BICC1: variants seen among roughly 807,000 people sequenced by gnomAD.
The protein encoded by BICC1 is protein bicaudal C homolog 1.
A neutral mutation model predicts 111.0 loss-of-function variants in BICC1; 43 were observed. The ratio of observed to expected loss-of-function variants is 0.39; its 90% CI spans 0.30 to 0.50. The LOEUF is 0.50. BICC1 is among the 20% of genes least tolerant of loss of function. The probability of loss-of-function intolerance (pLI) is 0.88; values close to 1 mark genes in which losing one functional copy is unlikely to be tolerated. For missense variants in BICC1, 1,091 were observed against 1,203.2 expected (o/e 0.91, Z 1.38); for synonymous variants, 467 against 434.4 (o/e 1.07, Z -0.93).
intron 3 of BICC1, among the ~76,000 whole-genome samples, chr10:58,749,529 T>C (rs1226424914): frequency 6.6e-6 from 1 of 152,166 alleles, no homozygotes; most frequent in Non-Finnish European, 1.5e-5. Context: ...CTGTTACATA[T>C]AATGTATCCA....
chr10:58,801,157 G>A, intron 14 of BICC1, 111 bp downstream of exon 14: 4 of 950,982 alleles, frequency 4.2e-6, no homozygotes, highest in Non-Finnish European at 5.7e-6. Context: ...CTCATCCATG[G>A]GTGTTTTCAT....
intron 1 of BICC1, among the ~76,000 whole-genome samples, chr10:58,515,012 A>G (rs1285493233): frequency 1.5e-4 from 23 of 152,196 alleles, no homozygotes; most frequent in Admixed American, 1.5e-3. Flanking sequence ...ACAAGTAAGG[A>G]CAGTGATGTT....
chr10:58,612,363 G>A (rs1375308167), intron 1 of BICC1, among the ~76,000 whole-genome samples: 1 of 152,118 alleles, frequency 6.6e-6, no homozygotes, highest in Non-Finnish European at 1.5e-5. Flanking sequence ...CACTTGAATT[G>A]GCTGGGTTGT....
At chr10:58,529,189 C>CT (rs766168381) in intron 1 of BICC1, among the ~76,000 whole-genome samples, 64 of 151,962 alleles carry the variant, frequency 4.2e-4, no homozygotes, top group Non-Finnish European at 7.8e-4. Flanking sequence ...CAAGTAGGAT[C>CT]TTTTTGTCAC....
intron 1 of BICC1, among the ~76,000 whole-genome samples, chr10:58,575,839 T>C (rs1192305248): frequency 1.3e-5 from 2 of 152,184 alleles, no homozygotes; most frequent in Non-Finnish European, 2.9e-5. Flanking sequence ...AGAGGGAAGC[T>C]TTTATCTTTT....
chr10:58,591,276 C>T (rs549117592), intron 1 of BICC1, among the ~76,000 whole-genome samples: 6 of 152,178 alleles, frequency 3.9e-5, no homozygotes, highest in South Asian at 2.1e-4. Context: ...TTGGTCAAGA[C>T]GGAAAAACAG....
chr10:58,556,989 G>T (rs191729754), intron 1 of BICC1, among the ~76,000 whole-genome samples: 2 of 152,016 alleles, frequency 1.3e-5, no homozygotes, highest in Non-Finnish European at 2.9e-5. Context: ...GTTACCTCGC[G>T]TTGTAAAAGG....
chr10:58,548,751 C>G (rs1246928942), intron 1 of BICC1, among the ~76,000 whole-genome samples: 1 of 152,124 alleles, frequency 6.6e-6, no homozygotes, highest in Non-Finnish European at 1.5e-5. Context: ...CTTGGCTCAA[C>G]ATCATATTTA....
chr10:58,689,837 C>T (rs893757171), intron 2 of BICC1, among the ~76,000 whole-genome samples: 9 of 152,178 alleles, frequency 5.9e-5, no homozygotes, highest in African/African-American at 1.7e-4. Flanking sequence ...TTGACTTTGC[C>T]GAAATTGGTC....
chr10:58,693,560 A>G (rs1045587587), intron 2 of BICC1, among the ~76,000 whole-genome samples: 9 of 151,876 alleles, frequency 5.9e-5, no homozygotes, highest in African/African-American at 1.5e-4. Context: ...ATTCTAACTG[A>G]TGTGAGATGG....
chr10:58,665,275 A>G (rs1487519935), intron 2 of BICC1, among the ~76,000 whole-genome samples: 1 of 152,114 alleles, frequency 6.6e-6, no homozygotes, highest in Non-Finnish European at 1.5e-5. Context: ...TTTTAATAGT[A>G]TCTTGTTCCC....
At chr10:58,739,906 A>G (rs1207580695) in intron 3 of BICC1, among the ~76,000 whole-genome samples, 1 of 152,218 alleles carries the variant, frequency 6.6e-6, no homozygotes, top group East Asian at 1.9e-4. Flanking sequence ...GACAGTTGGA[A>G]CAAGTCTTTA....
intron 19 of BICC1, 60 bp from the exon 20 acceptor site, chr10:58,820,309 C>T (rs1051347913): frequency 3.5e-6 from 4 of 1,144,634 alleles, no homozygotes; most frequent in Non-Finnish European, 5.2e-6. Context: ...GTTGATCCTA[C>T]AGTGGGAAAG....
chr10:58,536,322 A>G (rs2131869100), intron 1 of BICC1, among the ~76,000 whole-genome samples: 1 of 151,866 alleles, frequency 6.6e-6, no homozygotes, highest in African/African-American at 2.4e-5. Context: ...GATCATATGT[A>G]AGCTGCAAAA....
intron 1 of BICC1, among the ~76,000 whole-genome samples, chr10:58,541,806 A>G (rs1403472845): frequency 6.6e-6 from 1 of 151,302 alleles, no homozygotes; most frequent in East Asian, 2.0e-4. Flanking sequence ...ACTTAAAAAC[A>G]TATTACAAAT....
At chr10:58,675,175 G>C (rs556526262) in intron 2 of BICC1, among the ~76,000 whole-genome samples, 2 of 152,250 alleles carry the variant, frequency 1.3e-5, no homozygotes, top group South Asian at 2.1e-4. Context: ...GAAGCTGGGA[G>C]AGAGGAGAGA....
In BICC1 at chr10:58,828,746, T is replaced by C; in HGVS notation, c.2795-15T>C. ...TTCTCTTGAGCTCCTAACAATTCTCTCTTTCTCTCTCTAGAACTAAATAAA... is the reference window on the plus strand; with the variant it reads ...TTCTCTTGAGCTCCTAACAATTCTCCCTTTCTCTCTCTAGAACTAAATAAA... On this transcript the variant is annotated splice_polypyrimidine_tract_variant and intron_variant, in intron 20 of 20. Transcript: ENST00000373886. The C allele has an allele frequency of 6.2e-7, 1 of 1,612,162 alleles. No homozygotes were observed. The highest frequency in any genetic ancestry group is 8.5e-7 in the Non-Finnish European group (1 of 1,178,938).
chr10:58,691,098 C>G (rs1839895190), intron 2 of BICC1, among the ~76,000 whole-genome samples: 1 of 152,210 alleles, frequency 6.6e-6, no homozygotes, highest in Non-Finnish European at 1.5e-5. Flanking sequence ...TATCCACCCT[C>G]TCTGAAAGTT....
At chr10:58,659,075 A>G (rs926026779) in intron 2 of BICC1, among the ~76,000 whole-genome samples, 2 of 152,196 alleles carry the variant, frequency 1.3e-5, no homozygotes, top group African/African-American at 4.8e-5. Flanking sequence ...ATTCTGGGCT[A>G]TTAAAAAGTC....
Sources: gnomAD v4.1 joint callset for allele counts (sites outside exome capture counted in the v4.1 genomes callset) on GRCh38, gnomAD v4.1.1 for gene constraint, MANE v1.5 for transcripts, NCBI Gene and HGNC (gene_info 2026-07-23, HGNC 2026-07-21) for gene names.